The following NHS variants were observed in gnomAD, a reference collection of about 807,000 sequenced individuals.
NHS encodes NHS actin remodeling regulator, also known as actin remodeling regulator NHS.
Under a neutral mutation model 72.5 loss-of-function variants are expected in NHS, and 5 were observed. The ratio of observed to expected loss-of-function variants is 0.07; its 90% CI spans 0.04 to 0.14. NHS has a LOEUF of 0.14. NHS is among the 10% of genes least tolerant of loss of function. The pLI is 1.00. For synonymous variants in NHS, 464 were observed against 547.7 expected, an observed-to-expected ratio of 0.85 and a Z score of 2.13; for missense variants, 1,072 against 1,355.7, an observed-to-expected ratio of 0.79 and a Z score of 3.29.
At chrX:17,389,193 G>T (rs1208525678) in intron 1 of NHS, among the ~76,000 whole-genome samples, 2 of 112,103 alleles carry the variant, frequency 1.8e-5, no homozygotes, top group African/African-American at 6.5e-5. Flanking sequence ...TTTAACAGCT[G>T]TATCCACCTG....
chrX:17,543,915 A>C (rs776329334), intron 1 of NHS, among the ~76,000 whole-genome samples: 2 of 112,058 alleles, frequency 1.8e-5, no homozygotes, highest in African/African-American at 6.5e-5. Flanking sequence ...AGATAAAGAG[A>C]TGGAGCTGCG....
rs745870800 is a variant in NHS, at chrX:17,375,339, ACACC to A, written c.-407_-404del. The A allele has an allele frequency of 4.1e-3, 1,299 of 319,181 alleles. 4 individuals are homozygous for A. The highest frequency in any genetic ancestry group is 5.0e-3 in the Non-Finnish European group (925 of 186,168). The allele number at this position is 319,181 out of a possible 1,213,427, so 26.3% of individuals were successfully genotyped here. ...CAAACTGAGGCGCGCGCACACACTC[ACACC>A]CACCCACCCACTCACCCACACACAC... is the stretch of plus-strand genomic sequence containing the variant. On this transcript the variant is annotated 5_prime_UTR_variant, in exon 1 of 9. Transcript: ENST00000676302.
chrX:17,610,797 C>T (rs945533447), intron 1 of NHS, among the ~76,000 whole-genome samples: 5 of 112,298 alleles, frequency 4.5e-5, no homozygotes, highest in African/African-American at 9.7e-5. Context: ...CTTGTCTGGG[C>T]GGTGATAACA....
At position 17,376,069 on chromosome X, in the gene NHS, C is replaced by T; in HGVS notation, c.312C>T (p.Pro104=). Residue 104 remains proline (P), a synonymous_variant, in exon 1 of 9, where the codon CCC becomes CCT. Transcript: ENST00000676302. ...ESTAGIPEAA[P]AAGEASSAAA... is the part of the protein sequence containing the mutation. ...CGGCGGGGATCCCGGAGGCGGCGCC[C>T]GCAGCCGGCGAGGCGTCCTCGGCGG... is the stretch of plus-strand genomic sequence containing the variant. 1 of 1,055,195 alleles carries T rather than the reference C, an allele frequency of 9.5e-7. No homozygotes were observed. The highest frequency in any genetic ancestry group is 1.2e-6 in the Non-Finnish European group (1 of 828,679). 87.0% of individuals were successfully genotyped at this position (1,055,195 alleles called of 1,213,427 possible).
intron 1 of NHS, among the ~76,000 whole-genome samples, chrX:17,632,577 G>C (rs1293711657): frequency 9.7e-6 from 1 of 103,138 alleles, no homozygotes; most frequent in African/African-American, 4.0e-5. Flanking sequence ...CTAGGCACTT[G>C]GGCTTCATCA....
At position 17,530,401 on chromosome X, in the gene NHS, G is replaced by A. The variant is rs183954500; in HGVS notation, c.565+154079G>A. ...GTTTTGGCTTATGTTGAGTGCTACC[G>A]ACCCCATTTGTCACCAGCAAGCAGG... On this transcript the variant is annotated intron_variant, in intron 1 of 8. Coordinates refer to ENST00000676302, the MANE Select transcript of NHS (RefSeq NM_001291867.2). Among the ~76,000 whole-genome samples, 258 of 111,235 alleles carry A rather than the reference G, an allele frequency of 2.3e-3. 1 individual carries two copies. The highest frequency in any genetic ancestry group is 4.2e-3 in the Non-Finnish European group (224 of 53,025).
At chrX:17,444,118 G>A (rs1463113097) in intron 1 of NHS, among the ~76,000 whole-genome samples, 1 of 112,003 alleles carries the variant, frequency 8.9e-6, no homozygotes, top group South Asian at 3.8e-4. Context: ...AAGCAGAGGA[G>A]GGCAAAATGA....
At chrX:17,450,405 A>G (rs2064800391) in intron 1 of NHS, among the ~76,000 whole-genome samples, 1 of 111,963 alleles carries the variant, frequency 8.9e-6, no homozygotes, top group South Asian at 3.7e-4. Flanking sequence ...GTGTTAATTC[A>G]TTTAATCCTC....
intron 1 of NHS, among the ~76,000 whole-genome samples, chrX:17,564,287 T>G (rs945323105): frequency 1.8e-5 from 2 of 111,613 alleles, no homozygotes; most frequent in African/African-American, 6.5e-5. Flanking sequence ...GGACTGTCCT[T>G]TGCATTGTAG....
At chrX:17,682,971 TCC>T (rs2066138520) in intron 1 of NHS, among the ~76,000 whole-genome samples, 1 of 111,564 alleles carries the variant, frequency 9.0e-6, no homozygotes, top group African/African-American at 3.3e-5. Context: ...GCCTAGTCTT[TCC>T]AAGAGAGTGG....
At chrX:17,459,782 G>A in intron 1 of NHS, among the ~76,000 whole-genome samples, 1 of 111,671 alleles carries the variant, frequency 9.0e-6, no homozygotes, top group Non-Finnish European at 1.9e-5. Context: ...GCTGCTTTTG[G>A]AGTCATGGTT....
intron 1 of NHS, among the ~76,000 whole-genome samples, chrX:17,463,532 C>A (rs2064858269): frequency 3.6e-5 from 4 of 111,174 alleles, no homozygotes; most frequent in Admixed American, 9.5e-5. Flanking sequence ...CCTGAAAGGC[C>A]AGATAAATAG....
At chrX:17,475,389 A>G (rs1433888195) in intron 1 of NHS, among the ~76,000 whole-genome samples, 1 of 112,590 alleles carries the variant, frequency 8.9e-6, no homozygotes, top group East Asian at 2.8e-4. Flanking sequence ...CTCGGCCTCC[A>G]GTTCTTTCAG....
chrX:17,700,777 G>A (rs750604397), intron 3 of NHS, among the ~76,000 whole-genome samples: 2 of 111,878 alleles, frequency 1.8e-5, no homozygotes, highest in African/African-American at 3.2e-5. Flanking sequence ...ATACATAGAA[G>A]AGTGATGGAG....
chrX:17,573,123 T>C (rs1261140646), intron 1 of NHS, among the ~76,000 whole-genome samples: 2 of 111,644 alleles, frequency 1.8e-5, no homozygotes, highest in African/African-American at 6.5e-5. Context: ...TTTCCTTCAT[T>C]TCAACCTTGG....
chrX:17,399,291 AG>A (rs1247962402), intron 1 of NHS, among the ~76,000 whole-genome samples: 2 of 111,029 alleles, frequency 1.8e-5, no homozygotes, highest in Non-Finnish European at 3.8e-5. Context: ...TAGTAGAGAC[AG>A]GGTTTCACCA....
At chrX:17,425,381 A>G (rs768762557) in intron 1 of NHS, among the ~76,000 whole-genome samples, 1 of 109,979 alleles carries the variant, frequency 9.1e-6, no homozygotes, top group South Asian at 3.9e-4. Context: ...GAATTGCTCC[A>G]GACCCTTGGA....
At chrX:17,598,137 G>A (rs1257073569) in intron 1 of NHS, among the ~76,000 whole-genome samples, 3 of 110,997 alleles carry the variant, frequency 2.7e-5, no homozygotes, top group Non-Finnish European at 5.7e-5. Flanking sequence ...TCCTGGCATG[G>A]GTCCTGACTG....
chrX:17,623,778 A>C (rs2065785890), intron 1 of NHS, among the ~76,000 whole-genome samples: 1 of 112,008 alleles, frequency 8.9e-6, no homozygotes, highest in Non-Finnish European at 1.9e-5. Flanking sequence ...CTGCCCTCTC[A>C]GTCCCTCCTC....
Sources: gnomAD v4.1 joint callset for allele counts (sites outside exome capture counted in the v4.1 genomes callset) on GRCh38, gnomAD v4.1.1 for gene constraint, MANE v1.5 for transcripts, NCBI Gene and HGNC (gene_info 2026-07-23, HGNC 2026-07-21) for gene names.